The following CADM2 variants were observed in gnomAD, a reference collection of about 807,000 sequenced individuals.
The protein encoded by CADM2 is immunoglobulin superfamily member 4D.
A neutral mutation model predicts 49.8 loss-of-function variants in CADM2; 12 were observed. That is an observed-to-expected ratio of 0.24 (90% CI 0.15 to 0.39). CADM2 has a LOEUF of 0.39. Among genes scored for constraint, CADM2 ranks in the 10% least tolerant of loss-of-function variants. CADM2 has a pLI of 1.00. For missense variants in CADM2, 378 were observed against 492.3 expected, an observed-to-expected ratio of 0.77 and a Z score of 2.20; for synonymous variants, 214 against 175.4, an observed-to-expected ratio of 1.22 and a Z score of -1.74.
chr3:86,009,915 G>T (rs186710672), intron 8 of CADM2, among the ~76,000 whole-genome samples: 2 of 151,616 alleles, frequency 1.3e-5, no homozygotes, highest in Admixed American at 6.6e-5. Flanking sequence ...TATTTTGGGG[G>T]TAACACAACA....
In CADM2 at chr3:85,612,180, C is replaced by T. The variant is rs368917986; in HGVS notation, c.62-114342C>T. The stretch of plus-strand genomic sequence containing the variant: ...AAATTGGTTTAAAATTATTTCTTAT[C>T]TTTTATATTTTAGGGAAAATATCTC... On this transcript the variant is annotated intron_variant, in intron 1 of 9. Coordinates refer to ENST00000383699, the MANE Select transcript of CADM2 (RefSeq NM_001167675.2). 5.1e-4 allele frequency among the ~76,000 whole-genome samples: 77 copies of T among 151,876 alleles called. No homozygotes were observed. In the South Asian group the frequency reaches 0.016, roughly 31 times the overall value.
chr3:85,133,454 C>T (rs1009658889), intron 1 of CADM2, among the ~76,000 whole-genome samples: 1 of 152,096 alleles, frequency 6.6e-6, no homozygotes, highest in African/African-American at 2.4e-5. Flanking sequence ...AAGGCCCCAC[C>T]AGAGTAGCCA....
At chr3:85,990,591 C>T (rs759125780) in intron 8 of CADM2, among the ~76,000 whole-genome samples, 1 of 152,026 alleles carries the variant, frequency 6.6e-6, no homozygotes, top group Non-Finnish European at 1.5e-5. Flanking sequence ...CTTATAATTT[C>T]TAAAATTAAA....
At chr3:85,728,628 A>T (rs1221518943) in intron 2 of CADM2, among the ~76,000 whole-genome samples, 1 of 152,184 alleles carries the variant, frequency 6.6e-6, no homozygotes, top group Non-Finnish European at 1.5e-5. Flanking sequence ...CTCCTGGCCC[A>T]GAAAAAGTAC....
At chr3:85,005,623 G>A (rs1347742101) in intron 1 of CADM2, among the ~76,000 whole-genome samples, 1 of 151,948 alleles carries the variant, frequency 6.6e-6, no homozygotes, top group Non-Finnish European at 1.5e-5. Context: ...CACTGTCTGT[G>A]AATAGAACGT....
chr3:85,078,752 T>C (rs2037047920), intron 1 of CADM2, among the ~76,000 whole-genome samples: 3 of 151,694 alleles, frequency 2.0e-5, no homozygotes, highest in Admixed American at 6.6e-5. Flanking sequence ...GGTAACCCCA[T>C]TGAGCATGTT....
chr3:84,986,667 CG>C (rs2032573546), intron 1 of CADM2, among the ~76,000 whole-genome samples: 1 of 151,424 alleles, frequency 6.6e-6, no homozygotes, highest in African/African-American at 2.4e-5. Flanking sequence ...GACGAGTTAA[CG>C]GGTGCAGCAC....
chr3:85,689,557 G>A (rs2066320655), intron 1 of CADM2, among the ~76,000 whole-genome samples: 1 of 152,198 alleles, frequency 6.6e-6, no homozygotes, highest in African/African-American at 2.4e-5. Context: ...CAGAATTATT[G>A]AGGGATGGGT....
chr3:85,803,864 G>A (rs955788545), intron 3 of CADM2, among the ~76,000 whole-genome samples: 2 of 152,018 alleles, frequency 1.3e-5, no homozygotes, highest in Non-Finnish European at 2.9e-5. Flanking sequence ...CAAACATCTG[G>A]GAACAGTGGC....
intron 2 of CADM2, among the ~76,000 whole-genome samples, chr3:85,762,508 A>G (rs145782651): frequency 2.0e-5 from 3 of 151,376 alleles, no homozygotes; most frequent in African/African-American, 7.3e-5. Flanking sequence ...AGCCTTCCCT[A>G]GTTACCTACA....
At chr3:85,060,591 T>G (rs2036268846) in intron 1 of CADM2, among the ~76,000 whole-genome samples, 1 of 152,236 alleles carries the variant, frequency 6.6e-6, no homozygotes, top group African/African-American at 2.4e-5. Context: ...AATCATTAAT[T>G]GAAAATGTTT....
intron 1 of CADM2, among the ~76,000 whole-genome samples, chr3:85,536,441 G>A (rs915986343): frequency 8.7e-5 from 13 of 149,462 alleles, no homozygotes; most frequent in African/African-American, 2.9e-4. Context: ...TAAATTTTTG[G>A]TACTATTAAA....
chr3:85,880,983 ACT>A (rs1426151428), intron 3 of CADM2, among the ~76,000 whole-genome samples: 1 of 151,390 alleles, frequency 6.6e-6, no homozygotes, highest in East Asian at 2.0e-4. Flanking sequence ...TTTTAGTCCC[ACT>A]CTCTTTCTTC....
At chr3:84,969,401 T>G (rs1407867068) in intron 1 of CADM2, among the ~76,000 whole-genome samples, 1 of 152,008 alleles carries the variant, frequency 6.6e-6, no homozygotes, top group African/African-American at 2.4e-5. Flanking sequence ...TTATGTGTTC[T>G]TATTTCATGA....
intron 2 of CADM2, among the ~76,000 whole-genome samples, chr3:85,790,978 G>T (rs2071288550): frequency 6.6e-6 from 1 of 152,186 alleles, no homozygotes; most frequent in Admixed American, 6.5e-5. Context: ...AATTCAAATG[G>T]ATGAGGTAGA....
At chr3:85,113,402 G>C (rs1315329870) in intron 1 of CADM2, among the ~76,000 whole-genome samples, 4 of 152,052 alleles carry the variant, frequency 2.6e-5, no homozygotes, top group Non-Finnish European at 5.9e-5. Flanking sequence ...TAAAATGCCT[G>C]AGACCTAGTA....
intron 1 of CADM2, among the ~76,000 whole-genome samples, chr3:85,642,822 A>T (rs939408421): frequency 2.0e-5 from 3 of 152,298 alleles, no homozygotes; most frequent in Admixed American, 2.0e-4. Flanking sequence ...AGACAGAAGA[A>T]ACCTTGTTAC....
intron 8 of CADM2, chr3:86,014,118 A>G: frequency 7.8e-7 from 1 of 1,287,090 alleles, no homozygotes. Context: ...TTTTCAGTGG[A>G]CACGCAGGCA....
intron 1 of CADM2, among the ~76,000 whole-genome samples, chr3:85,219,606 C>T (rs1349031566): frequency 1.3e-5 from 2 of 152,048 alleles, no homozygotes; most frequent in Non-Finnish European, 2.9e-5. Context: ...CCCTGTTATG[C>T]CACTGTGAAA....
Sources: allele counts gnomAD v4.1 joint callset (sites outside exome capture counted in the v4.1 genomes callset), GRCh38; gene constraint gnomAD v4.1.1; transcripts MANE v1.5; gene names NCBI Gene and HGNC (gene_info 2026-07-23, HGNC 2026-07-21).